The following LRRC4C variants were observed in gnomAD, a reference collection of about 807,000 sequenced individuals.
The protein encoded by LRRC4C is leucine rich repeat containing 4C, also known as leucine-rich repeat-containing protein 4C.
A neutral mutation model predicts 33.6 loss-of-function variants in LRRC4C; 5 were observed. That is an observed-to-expected ratio of 0.15 (90% CI 0.08 to 0.31). The LOEUF (loss-of-function observed/expected upper bound fraction) is 0.31. LRRC4C is among the 10% of genes least tolerant of loss of function. The probability of loss-of-function intolerance (pLI) is 1.00; values close to 1 mark genes in which losing one functional copy is unlikely to be tolerated. For missense variants in LRRC4C, 560 were observed against 796.7 expected (o/e 0.70, Z 3.58); for synonymous variants, 329 against 302.0 (o/e 1.09, Z -0.93).
intron 1 of LRRC4C, among the ~76,000 whole-genome samples, chr11:41,032,574 A>G (rs945239356): frequency 5.3e-5 from 8 of 152,024 alleles, no homozygotes; most frequent in East Asian, 1.9e-4. Flanking sequence ...ATTTTCCAAA[A>G]TTGGTTCATC....
At chr11:40,900,734 C>G (rs1260769245) in intron 2 of LRRC4C, among the ~76,000 whole-genome samples, 1 of 151,880 alleles carries the variant, frequency 6.6e-6, no homozygotes, top group Non-Finnish European at 1.5e-5. Context: ...TGCAAGTGTA[C>G]AGAAGAATAC....
chr11:40,890,222 T>C (rs770517374), intron 2 of LRRC4C, among the ~76,000 whole-genome samples: 1 of 152,172 alleles, frequency 6.6e-6, no homozygotes, highest in Admixed American at 6.5e-5. Context: ...GTAGGTAATA[T>C]ATTAAAATAA....
intron 1 of LRRC4C, among the ~76,000 whole-genome samples, chr11:41,052,037 C>T (rs1445325451): frequency 6.6e-6 from 1 of 152,050 alleles, no homozygotes; most frequent in Non-Finnish European, 1.5e-5. Context: ...TTATTGAAAT[C>T]CTCTAGGTTC....
intron 5 of LRRC4C, among the ~76,000 whole-genome samples, chr11:40,240,553 GCA>G (rs1160021845): frequency 2.0e-5 from 3 of 152,078 alleles, no homozygotes; most frequent in Admixed American, 6.6e-5. Flanking sequence ...CACTAAACAT[GCA>G]CACTCTTGAT....
At chr11:40,909,141 G>A (rs1285058259) in intron 2 of LRRC4C, among the ~76,000 whole-genome samples, 1 of 151,990 alleles carries the variant, frequency 6.6e-6, no homozygotes, top group Non-Finnish European at 1.5e-5. Context: ...GGTAGGGGTT[G>A]GAAATAATTA....
intron 1 of LRRC4C, among the ~76,000 whole-genome samples, chr11:41,330,504 T>C (rs1164115793): frequency 2.0e-5 from 3 of 152,126 alleles, no homozygotes; most frequent in Non-Finnish European, 2.9e-5. Flanking sequence ...GCCGTCAACA[T>C]GTGGTCCTCA....
intron 3 of LRRC4C, among the ~76,000 whole-genome samples, chr11:40,337,620 A>C (rs1454203121): frequency 6.6e-6 from 1 of 152,236 alleles, no homozygotes; most frequent in African/African-American, 2.4e-5. Flanking sequence ...ATAAGTTATA[A>C]TCTGAAATAA....
At chr11:40,771,546 C>G (rs540242360) in intron 2 of LRRC4C, among the ~76,000 whole-genome samples, 5 of 152,150 alleles carry the variant, frequency 3.3e-5, no homozygotes, top group Non-Finnish European at 7.3e-5. Context: ...TTGAATTTCT[C>G]CCCAGAAAAT....
chr11:40,977,059 T>C (rs1169271402), intron 1 of LRRC4C, among the ~76,000 whole-genome samples: 1 of 152,124 alleles, frequency 6.6e-6, no homozygotes, highest in Non-Finnish European at 1.5e-5. Context: ...GGTCATCAGG[T>C]ATTAGATTCT....
intron 3 of LRRC4C, among the ~76,000 whole-genome samples, chr11:40,463,599 T>G (rs759797133): frequency 2.0e-5 from 3 of 152,096 alleles, no homozygotes; most frequent in Non-Finnish European, 4.4e-5. Context: ...AAAAGAAGTT[T>G]GGAGAATTTT....
At chr11:41,075,002 A>T in intron 1 of LRRC4C, among the ~76,000 whole-genome samples, 1 of 70,216 alleles carries the variant, frequency 1.4e-5, no homozygotes. Flanking sequence ...TCCTCCCACA[A>T]CCTTCAATTT....
intron 1 of LRRC4C, among the ~76,000 whole-genome samples, chr11:41,177,321 AG>A (rs1342116173): frequency 3.9e-5 from 6 of 152,140 alleles, no homozygotes; most frequent in Non-Finnish European, 7.4e-5. Context: ...GACTAACCTA[AG>A]ACAAGATACA....
At chr11:41,314,922 A>C (rs1478344804) in intron 1 of LRRC4C, among the ~76,000 whole-genome samples, 2 of 152,180 alleles carry the variant, frequency 1.3e-5, no homozygotes, top group African/African-American at 4.8e-5. Flanking sequence ...TATCTAGTGC[A>C]TATGTCCTGA....
chr11:40,468,023 CT>C (rs1952738110), intron 3 of LRRC4C, among the ~76,000 whole-genome samples: 1 of 152,142 alleles, frequency 6.6e-6, no homozygotes. Flanking sequence ...CGAGGAATAT[CT>C]GCAATTCCTG....
intron 3 of LRRC4C, among the ~76,000 whole-genome samples, chr11:40,406,117 C>G (rs758973166): frequency 6.6e-6 from 1 of 152,102 alleles, no homozygotes; most frequent in Non-Finnish European, 1.5e-5. Flanking sequence ...CAAATAGCCT[C>G]TATATTTTCT....
At chr11:41,275,315 G>A (rs1490418198) in intron 1 of LRRC4C, among the ~76,000 whole-genome samples, 2 of 152,130 alleles carry the variant, frequency 1.3e-5, no homozygotes, top group Non-Finnish European at 2.9e-5. Context: ...GAGAGAAAAC[G>A]AAGATGATGC....
At chr11:41,106,110 G>A (rs1360460769) in intron 1 of LRRC4C, among the ~76,000 whole-genome samples, 6 of 152,018 alleles carry the variant, frequency 3.9e-5, no homozygotes, top group Non-Finnish European at 5.9e-5. Flanking sequence ...CTTATTCAAT[G>A]TACTGTAATA....
intron 1 of LRRC4C, among the ~76,000 whole-genome samples, chr11:41,185,794 GAA>G (rs1945668241): frequency 6.6e-6 from 1 of 151,110 alleles, no homozygotes; most frequent in Non-Finnish European, 1.5e-5. Context: ...CTAAACTATA[GAA>G]AAAAGTCACA....
chr11:41,405,863 T>A (rs1345679645), intron 1 of LRRC4C, among the ~76,000 whole-genome samples: 1 of 152,140 alleles, frequency 6.6e-6, no homozygotes, highest in Non-Finnish European at 1.5e-5. Context: ...ATAAAAAATG[T>A]ATCTTTTTGT....
Sources: allele counts gnomAD v4.1 joint callset (sites outside exome capture counted in the v4.1 genomes callset), GRCh38; gene constraint gnomAD v4.1.1; transcripts MANE v1.5; gene names NCBI Gene and HGNC (gene_info 2026-07-23, HGNC 2026-07-21).